TENM3: variants seen among roughly 807,000 people sequenced by gnomAD.
The protein encoded by TENM3 is teneurin transmembrane protein 3.
TENM3 carries 63 observed loss-of-function variants against 255.1 expected under a neutral mutation model. The ratio of observed to expected loss-of-function variants is 0.25; its 90% CI spans 0.20 to 0.30. The LOEUF is 0.30. Among genes scored for constraint, TENM3 ranks in the 10% least tolerant of loss-of-function variants. The probability of loss-of-function intolerance (pLI) is 1.00; values close to 1 mark genes in which losing one functional copy is unlikely to be tolerated. For missense variants in TENM3, 2,929 were observed against 3,461.1 expected (o/e 0.85, Z 3.86); for synonymous variants, 1,306 against 1,322.3 (o/e 0.99, Z 0.27).
the TENM3 span, among the ~76,000 whole-genome samples, chr4:181,722,549 T>C: frequency 6.6e-6 from 1 of 152,202 alleles, no homozygotes; most frequent in Non-Finnish European, 1.5e-5. Flanking sequence ...CAGAGATTTG[T>C]TTCTTTGAGT....
At chr4:182,645,882 G>C (rs1435613146) in intron 5 of TENM3, among the ~76,000 whole-genome samples, 2 of 152,168 alleles carry the variant, frequency 1.3e-5, no homozygotes, top group African/African-American at 4.8e-5. Context: ...ACTAAATCAA[G>C]CCTAAACTCA....
At chr4:181,667,262 C>G in the TENM3 span, among the ~76,000 whole-genome samples, 59 of 152,238 alleles carry the variant, frequency 3.9e-4, no homozygotes, top group Middle Eastern at 3.4e-3. Context: ...AGGTTCTGCT[C>G]TTCCCTTAAT....
the TENM3 span, among the ~76,000 whole-genome samples, chr4:182,101,771 A>G: frequency 7.2e-5 from 11 of 152,340 alleles, no homozygotes; most frequent in South Asian, 1.4e-3. Flanking sequence ...TAGATGTTAA[A>G]TGTTCTCACC....
At chr4:182,326,111 A>C (rs1340586678) in intron 2 of TENM3, among the ~76,000 whole-genome samples, 1 of 152,236 alleles carries the variant, frequency 6.6e-6, no homozygotes, top group East Asian at 1.9e-4. Flanking sequence ...CCAGGCGGCC[A>C]GGGAGGCCTT....
At chr4:181,588,432 G>C in the TENM3 span, among the ~76,000 whole-genome samples, 1 of 152,144 alleles carries the variant, frequency 6.6e-6, no homozygotes, top group Admixed American at 6.5e-5. Context: ...ACACCAGAGA[G>C]CAGGGGAAAA....
chr4:182,601,282 C>A lies in TENM3; in HGVS notation c.749+121C>A. The A allele has an allele frequency of 3.7e-6, 3 of 811,886 alleles. No homozygotes were observed. The South Asian group carries it at 5.4e-5, about 15-fold the overall frequency. The allele number at this position is 811,886 out of a possible 1,614,324, so 50.3% of individuals were successfully genotyped here. A position where few individuals can be genotyped will look rare whatever the true frequency, so the allele number is the denominator to read the frequency against. The stretch of plus-strand genomic sequence containing the variant: ...TTGTTGTTGTTGTGTTTTCTTTTTT[C>A]TTCTCTAAGAAGCAGTTCCAGATTG... On this transcript the variant is annotated intron_variant, in intron 4 of 27. Transcript: ENST00000511685.
chr4:182,487,271 G>T (rs1204903844), intron 3 of TENM3, among the ~76,000 whole-genome samples: 1 of 152,258 alleles, frequency 6.6e-6, no homozygotes, highest in East Asian at 1.9e-4. Flanking sequence ...GAAAGCCCGG[G>T]ATGAAGTGTG....
the TENM3 span, among the ~76,000 whole-genome samples, chr4:181,453,542 G>C: frequency 4.8e-5 from 7 of 147,274 alleles, no homozygotes; most frequent in African/African-American, 1.7e-4. Context: ...TTAACGAAGA[G>C]TCATGTAAAA....
the TENM3 span, among the ~76,000 whole-genome samples, chr4:181,556,820 C>T: frequency 6.6e-6 from 1 of 152,096 alleles, no homozygotes; most frequent in Non-Finnish European, 1.5e-5. Context: ...TTTGCATTGT[C>T]TTCATTTTTA....
At chr4:181,571,994 TAAG>T in the TENM3 span, among the ~76,000 whole-genome samples, 1 of 152,218 alleles carries the variant, frequency 6.6e-6, no homozygotes, top group Non-Finnish European at 1.5e-5. Context: ...TTGGCTCAAA[TAAG>T]AAGCAGGCAT....
the TENM3 span, among the ~76,000 whole-genome samples, chr4:181,511,141 G>C: frequency 6.6e-6 from 1 of 152,270 alleles, no homozygotes; most frequent in East Asian, 1.9e-4. Flanking sequence ...TTCTAGAATC[G>C]AGGAGAAAGC....
At chr4:182,632,299 G>A (rs1309244018) in intron 5 of TENM3, among the ~76,000 whole-genome samples, 1 of 152,102 alleles carries the variant, frequency 6.6e-6, no homozygotes, top group Non-Finnish European at 1.5e-5. Flanking sequence ...ATTTGATCCA[G>A]TTTTTTATTG....
chr4:182,537,202 G>T (rs987006089), intron 3 of TENM3, among the ~76,000 whole-genome samples: 2 of 152,022 alleles, frequency 1.3e-5, no homozygotes, highest in African/African-American at 2.4e-5. Flanking sequence ...GCATTCTCTC[G>T]TCATCCTGTG....
the TENM3 span, among the ~76,000 whole-genome samples, chr4:181,760,726 G>C: frequency 7.2e-5 from 11 of 151,904 alleles, no homozygotes; most frequent in Admixed American, 1.3e-4. Context: ...GCCTGCCCTT[G>C]ATGACCACTA....
At chr4:181,816,879 G>A in the TENM3 span, among the ~76,000 whole-genome samples, 1 of 152,194 alleles carries the variant, frequency 6.6e-6, no homozygotes, top group African/African-American at 2.4e-5. Context: ...TACTTTTTGG[G>A]GGACAAAAGT....
chr4:182,601,349 CT>C (rs1747835683), intron 4 of TENM3, among the ~76,000 whole-genome samples, 188 bp downstream of exon 4: 2 of 152,088 alleles, frequency 1.3e-5, no homozygotes, highest in South Asian at 4.1e-4. Context: ...TGTGCCTATT[CT>C]TTTCACACAG....
chr4:182,165,798 G>C (rs896900163), intron 1 of TENM3, among the ~76,000 whole-genome samples: 3 of 152,012 alleles, frequency 2.0e-5, no homozygotes. Flanking sequence ...GTTTTTTTGA[G>C]AGAGTCTCGC....
the TENM3 span, among the ~76,000 whole-genome samples, chr4:181,553,343 C>A: frequency 6.6e-6 from 1 of 151,022 alleles, no homozygotes; most frequent in South Asian, 2.1e-4. Flanking sequence ...TATACACACA[C>A]ACACACACAT....
At chr4:181,844,147 C>G in the TENM3 span, among the ~76,000 whole-genome samples, 188 of 152,184 alleles carry the variant, frequency 1.2e-3, no homozygotes, top group Non-Finnish European at 2.4e-3. Context: ...TGGTAACTAA[C>G]CGACTCCTGA....
Sources: gnomAD v4.1 joint callset for allele counts (sites outside exome capture counted in the v4.1 genomes callset) on GRCh38, gnomAD v4.1.1 for gene constraint, MANE v1.5 for transcripts, NCBI Gene and HGNC (gene_info 2026-07-23, HGNC 2026-07-21) for gene names.